Variants in RRBP1 observed in about 807,000 individuals in gnomAD.
The protein encoded by RRBP1 is ribosome-binding protein 1.
In RRBP1, 94 loss-of-function variants were observed where a neutral mutation model predicts 165.2. The observed-to-expected ratio is 0.57, with a 90% CI of 0.48 to 0.68. The LOEUF is 0.68. RRBP1 is among the 30% of genes least tolerant of loss of function. The pLI, the probability that RRBP1 is intolerant of heterozygous loss-of-function variation, is 0.00. For synonymous variants in RRBP1, 680 were observed against 714.5 expected (o/e 0.95, Z 0.77); for missense variants, 1,676 against 1,763.0 (o/e 0.95, Z 0.88).
At chr20:17,625,118 G>A (rs745848307) in intron 12 of RRBP1, among the ~76,000 whole-genome samples, 3 of 152,118 alleles carry the variant, frequency 2.0e-5, no homozygotes, top group Non-Finnish European at 4.4e-5. Flanking sequence ...CTGTGAGAAG[G>A]GGGCAGGAGG....
At chr20:17,633,718 C>A in intron 7 of RRBP1, 105 bp from the exon 8 acceptor site, 1 of 1,218,228 alleles carries the variant, frequency 8.2e-7, no homozygotes, top group Non-Finnish European at 1.1e-6. Flanking sequence ...TAAGCAGTTG[C>A]CCAAGTCTTG....
At chr20:17,640,956 C>T (rs919594942) in intron 5 of RRBP1, among the ~76,000 whole-genome samples, 17 of 152,192 alleles carry the variant, frequency 1.1e-4, no homozygotes, top group Admixed American at 7.2e-4. Context: ...GCCCGCTGCC[C>T]GGGATGGAGA....
intron 19 of RRBP1, chr20:17,618,959 T>A (rs1230101697): frequency 2.3e-6 from 1 of 428,336 alleles, no homozygotes; most frequent in Non-Finnish European, 4.3e-6. Flanking sequence ...AAGTTGGAGA[T>A]GATTTTTTTT....
At chr20:17,626,170 C>G (rs2036015147) in intron 11 of RRBP1, among the ~76,000 whole-genome samples, 1 of 152,176 alleles carries the variant, frequency 6.6e-6, no homozygotes, top group Non-Finnish European at 1.5e-5. Flanking sequence ...GAAATAAAAG[C>G]ACCAATTTCT....
intron 3 of RRBP1, among the ~76,000 whole-genome samples, chr20:17,646,283 G>A (rs1373503296): frequency 2.6e-5 from 4 of 152,206 alleles, no homozygotes; most frequent in Admixed American, 2.6e-4. Context: ...CATCTTTACT[G>A]CTGACAGCTA....
At chr20:17,625,753 G>A (rs2036006320) in intron 11 of RRBP1, 151 bp from the exon 12 acceptor site, 11 of 640,066 alleles carry the variant, frequency 1.7e-5, no homozygotes, top group Non-Finnish European at 2.7e-5. Flanking sequence ...CTCACCCAGC[G>A]TGAGCTCCCA....
chr20:17,649,335 G>A lies in RRBP1; in HGVS notation c.1913-6208C>T, dbSNP rs746918451. The stretch of plus-strand genomic sequence containing the variant: ...GGCCTCGGGAGGGGCTGCCCACACC[G>A]GCCGCTCTGCCATCTGCTGGTCATG... On this transcript the variant is annotated intron_variant, in intron 3 of 24. Transcript: ENST00000377813. Among the ~76,000 whole-genome samples, 14 of 152,194 alleles carry A rather than the reference G, an allele frequency of 9.2e-5. 1 individual carries two copies. Among genetic ancestry groups the A allele is most frequent in the Admixed American group, 3.3e-4 (5 of 15,286 alleles).
rs1401446436 is a variant in RRBP1 at position 17,677,351 on chromosome 20, TA to T, written c.-22+2647del. Among the ~76,000 whole-genome samples, 7 of 152,354 alleles carry T rather than the reference TA, an allele frequency of 4.6e-5. No homozygotes were observed. The East Asian group carries it at 1.3e-3, about 29-fold the overall frequency. On this transcript the variant is annotated intron_variant, in intron 2 of 24. Transcript: ENST00000377813. ...ATTCATTATCACTATAAATAGTCTGTAACTTCCAGTAGTCTTAGTGGGCCTC... is the reference window on the plus strand; with the variant it reads ...ATTCATTATCACTATAAATAGTCTGTACTTCCAGTAGTCTTAGTGGGCCTC...
intron 11 of RRBP1, among the ~76,000 whole-genome samples, chr20:17,626,473 T>C (rs1013417536): frequency 2.6e-5 from 4 of 152,214 alleles, no homozygotes; most frequent in Non-Finnish European, 5.9e-5. Context: ...ACATGGGCTG[T>C]GGCCTGGGGA....
chr20:17,674,174 T>G (rs1338161995), intron 2 of RRBP1, among the ~76,000 whole-genome samples: 1 of 152,056 alleles, frequency 6.6e-6, no homozygotes, highest in Non-Finnish European at 1.5e-5. Flanking sequence ...GTAAAATGAG[T>G]AGGTCAGACA....
chr20:17,626,696 G>A (rs1263974298), intron 11 of RRBP1, among the ~76,000 whole-genome samples: 3 of 152,308 alleles, frequency 2.0e-5, no homozygotes, highest in Non-Finnish European at 4.4e-5. Context: ...GCTACAGGAG[G>A]CGAGCCCCAG....
At chr20:17,675,088 C>G (rs1216074420) in intron 2 of RRBP1, among the ~76,000 whole-genome samples, 1 of 152,252 alleles carries the variant, frequency 6.6e-6, no homozygotes, top group Non-Finnish European at 1.5e-5. Context: ...AGACTGAGGG[C>G]TCCCAGGAGA....
chr20:17,647,735 GC>G (rs1466997619), intron 3 of RRBP1, among the ~76,000 whole-genome samples: 2 of 152,164 alleles, frequency 1.3e-5, no homozygotes, highest in Non-Finnish European at 2.9e-5. Context: ...AACTCCAGTG[GC>G]AAAAACTCTC....
In RRBP1 at chr20:17,629,933, A is replaced by C; in HGVS notation, c.2639T>G (p.Leu880Arg). ...QASHRESEEA[L>R]QKRLDEVSRE... Reference sequence around the variant, plus strand: ...GCTGACCTCGTCCAGGCGCTTCTGCAGGGCCTCCTCACTCTCCCTGTGGGA... The same window carrying C: ...GCTGACCTCGTCCAGGCGCTTCTGCCGGGCCTCCTCACTCTCCCTGTGGGA... Residue 880 changes from leucine to arginine, a missense_variant, in exon 9 of 25, where the codon CTG (leucine) becomes CGG (arginine). Physicochemically the swap from Leu to Arg is moderately radical, Grantham distance 102. This residue lies in a region of RRBP1 where 1,184 missense variants were observed against 1,167.1 expected (regional missense o/e 1.01). Transcript: ENST00000377813. The C allele has an allele frequency of 6.3e-7, 1 of 1,599,070 alleles. No individual in the cohort carries two copies. Among genetic ancestry groups the C allele is most frequent in the Non-Finnish European group, 8.5e-7 (1 of 1,178,780 alleles).
rs149546356 is a variant in RRBP1, at chr20:17,626,982, A to AGT, written c.2963+365_2963+366insAC. ...GGGTTGTGCAACCATTTTTCCTGTT[A>AGT]GAGTTCCTGACCTCAGCCCCTAAAA... is the stretch of plus-strand genomic sequence containing the variant. On this transcript the variant is annotated intron_variant, in intron 11 of 24. Transcript: ENST00000377813. 1.6e-3 allele frequency among the ~76,000 whole-genome samples: 239 copies of AGT among 152,278 alleles called. 1 individual carries two copies. The highest frequency in any genetic ancestry group is 5.4e-3 in the African/African-American group (223 of 41,566).
rs189467220 is a variant in RRBP1, at chr20:17,614,973, G to A, written c.4051-93C>T. On this transcript the variant is annotated intron_variant, in intron 23 of 24. Transcript: ENST00000377813. Reference sequence around the variant, plus strand: ...CAGGACCCTGACGCCAGGGGCTGGAGCCCTCTGGGGACACAAGGAAGGCAA... The same window carrying A: ...CAGGACCCTGACGCCAGGGGCTGGAACCCTCTGGGGACACAAGGAAGGCAA... The A allele has an allele frequency of 2.4e-3, 3,326 of 1,401,390 alleles. 5 individuals are homozygous for A. The highest frequency in any genetic ancestry group is 3.0e-3 in the Admixed American group (153 of 50,402). The allele number at this position is 1,401,390 out of a possible 1,614,324, so 86.8% of individuals were successfully genotyped here.
intron 2 of RRBP1, among the ~76,000 whole-genome samples, chr20:17,672,803 T>A (rs1389778637): frequency 6.6e-6 from 1 of 152,158 alleles, no homozygotes; most frequent in Non-Finnish European, 1.5e-5. Flanking sequence ...GCTGGAATAG[T>A]GAGAATGAAC....
chr20:17,636,005 G>T (rs1438523722), intron 6 of RRBP1, among the ~76,000 whole-genome samples: 5 of 152,196 alleles, frequency 3.3e-5, no homozygotes, highest in Non-Finnish European at 7.3e-5. Flanking sequence ...CACATGCACC[G>T]CCTCTAACCC....
chr20:17,616,747 C>G lies in RRBP1; in HGVS notation c.3852G>C (p.Glu1284Asp), dbSNP rs774967763. The G allele has an allele frequency of 3.1e-6, 5 of 1,610,488 alleles. No individual in the cohort carries two copies. The Admixed American group carries it at 5.0e-5, about 16-fold the overall frequency. The change falls in exon 21 of 25, where the codon GAG (glutamate) becomes GAC (aspartate). Residue 1284 changes from glutamate to aspartate, a missense_variant. Glu to Asp is a conservative substitution (Grantham distance 45, BLOSUM62 2). Transcript: ENST00000377813. ...CCGCCCTAACCTGAACGGGGTCCTG[C>G]TCGGCTGGGGGCGCCTCTGGGGAGG... ...PASSPEAPPAEQDPVQLKTQL... is the reference protein window; with the variant it reads ...PASSPEAPPADQDPVQLKTQL...
Sources: gnomAD v4.1 joint callset for allele counts (sites outside exome capture counted in the v4.1 genomes callset) on GRCh38, gnomAD v4.1.1 for gene constraint, gnomAD v4.1.1 regional missense constraint, MANE v1.5 for transcripts, NCBI Gene and HGNC (gene_info 2026-07-23, HGNC 2026-07-21) for gene names.